The following SLCO1B3 variants were observed in gnomAD, a reference collection of about 807,000 sequenced individuals.
SLCO1B3 encodes liver-specific organic anion transporter 2.
SLCO1B3 carries 72 observed loss-of-function variants against 71.8 expected under a neutral mutation model. The ratio of observed to expected loss-of-function variants is 1.00; its 90% CI spans 0.83 to 1.22. The LOEUF is 1.22. Among genes scored for constraint, SLCO1B3 ranks in the 50% most tolerant of loss-of-function variants. SLCO1B3 has a pLI of 0.00. For missense variants in SLCO1B3, 911 were observed against 819.7 expected, an observed-to-expected ratio of 1.11 and a Z score of -1.36; for synonymous variants, 298 against 278.4, an observed-to-expected ratio of 1.07 and a Z score of -0.70.
rs201445687 is a variant in SLCO1B3, at chr12:20,814,965, CCTTTT to C, written c.-65-693_-65-689del. ...GACAAAGGTTATAAGCAGAATCTTG[CCTTTT>C]CTTTTCTTTTCTTTTTTTTTTTTTT... is the stretch of plus-strand genomic sequence containing the variant. On this transcript the variant is annotated intron_variant, in intron 2 of 15. Coordinates refer to ENST00000381545, the MANE Select transcript of SLCO1B3 (RefSeq NM_019844.4). Among the ~76,000 whole-genome samples the C allele has an allele frequency of 6.4e-3, 877 of 137,172 alleles. 7 individuals carry two copies. The highest frequency in any genetic ancestry group is 0.016 in the African/African-American group (625 of 38,224). The allele number at this position is 137,172 out of a possible 152,430, so 90.0% of individuals were successfully genotyped here.
In SLCO1B3 at chr12:20,877,520, A is replaced by G. The variant is rs4149134; in HGVS notation, c.971-252A>G. 0.72 allele frequency among the ~76,000 whole-genome samples: 110,016 copies of G among 151,882 alleles called. 42,437 individuals carry two copies. The highest frequency in any genetic ancestry group is 0.9 in the South Asian group (4,340 of 4,824). ...GAATTGTTTATTGATCCATTTTTTA[A>G]TGGATCAACATTGTAGTGAGTTATG... is the stretch of plus-strand genomic sequence containing the variant. On this transcript the variant is annotated intron_variant, in intron 9 of 15. Transcript: ENST00000381545.
intron 3 of SLCO1B3, among the ~76,000 whole-genome samples, chr12:20,816,289 T>G (rs748623185): frequency 1.6e-4 from 25 of 152,166 alleles, no homozygotes; most frequent in Non-Finnish European, 3.2e-4. Context: ...TAGTAGGTCT[T>G]ATTCATTCTT....
chr12:20,851,419 G>C (rs1373050189), intron 3 of SLCO1B3, among the ~76,000 whole-genome samples: 1 of 152,106 alleles, frequency 6.6e-6, no homozygotes, highest in African/African-American at 2.4e-5. Context: ...TATGATTAGT[G>C]ATGTTGAGCA....
chr12:20,850,264 AT>A (rs1242141583), intron 3 of SLCO1B3, among the ~76,000 whole-genome samples: 1 of 136,624 alleles, frequency 7.3e-6, no homozygotes, highest in Admixed American at 7.1e-5. Context: ...TATTTTATTT[AT>A]TTATTTATTT....
chr12:20,884,484 G>A (rs1231129263), intron 13 of SLCO1B3, among the ~76,000 whole-genome samples: 1 of 152,056 alleles, frequency 6.6e-6, no homozygotes, highest in East Asian at 1.9e-4. Flanking sequence ...CTTAAGACAG[G>A]AAAGAGCTAG....
At chr12:20,882,869 A>G (rs1865718556) in intron 12 of SLCO1B3, among the ~76,000 whole-genome samples, 1 of 152,164 alleles carries the variant, frequency 6.6e-6, no homozygotes. Flanking sequence ...TTCCTCTTCT[A>G]TATTCTAACC....
At chr12:20,855,575 T>C (rs1390803902) in intron 4 of SLCO1B3, among the ~76,000 whole-genome samples, 14 of 151,930 alleles carry the variant, frequency 9.2e-5, no homozygotes, top group South Asian at 2.1e-4. Context: ...ATAATTCTTA[T>C]GGTTTTAGGT....
intron 3 of SLCO1B3, among the ~76,000 whole-genome samples, chr12:20,833,552 CATAT>C (rs1455796543): frequency 1.4e-5 from 2 of 147,450 alleles, no homozygotes; most frequent in Non-Finnish European, 3.0e-5. Context: ...ATATTGTACA[CATAT>C]GTTTACTATA....
Position 20,862,511 on chromosome 12 carries a change from C to CA in SLCO1B3, c.582dup (p.Tyr195IlefsTer3). 1 of 1,612,238 alleles carries CA rather than the reference C, an allele frequency of 6.2e-7. No homozygotes were observed. Among genetic ancestry groups the CA allele is most frequent in the African/African-American group, 1.3e-5 (1 of 74,964 alleles). Reference sequence around the variant, plus strand: ...ACCCCCATAGTACCATTGGGGATTTCATACATTGATGATTTTGCAAAAGAA... The same window carrying CA: ...ACCCCCATAGTACCATTGGGGATTTCAATACATTGATGATTTTGCAAAAGAA... On this transcript the variant is annotated frameshift_variant, in exon 7 of 16. Transcript: ENST00000381545. LOFTEE classifies it high-confidence loss of function.
chr12:20,880,934 G>C lies in SLCO1B3; in HGVS notation c.1411G>C (p.Glu471Gln). ...SECNCDESQW[E>Q]PVCGNNGITY... ...GTGCAATTGTGATGAAAGTCAGTGG[G>C]AACCAGTCTGTGGGAACAATGGAAT... The change falls in exon 12 of 16, where the codon GAA becomes CAA. Residue 471 changes from glutamate (E) to glutamine (Q), a missense_variant. Glu to Gln is a conservative substitution (Grantham distance 29, BLOSUM62 2). Coordinates refer to ENST00000381545, the MANE Select transcript of SLCO1B3 (RefSeq NM_019844.4). The C allele has an allele frequency of 6.2e-7, 1 of 1,611,676 alleles. No individual in the cohort carries two copies. Among genetic ancestry groups the C allele is most frequent in the Non-Finnish European group, 8.5e-7 (1 of 1,178,034 alleles).
intron 8 of SLCO1B3, among the ~76,000 whole-genome samples, chr12:20,866,352 G>A (rs887207332): frequency 1.3e-5 from 2 of 152,010 alleles, no homozygotes; most frequent in African/African-American, 4.8e-5. Flanking sequence ...CTACAACATT[G>A]GGCACATAAA....
At chr12:20,891,253 A>C (rs1865897304) in intron 13 of SLCO1B3, among the ~76,000 whole-genome samples, 1 of 152,004 alleles carries the variant, frequency 6.6e-6, no homozygotes, top group Admixed American at 6.6e-5. Context: ...TTTGGGAAGT[A>C]CTACTTTTCT....
intron 10 of SLCO1B3, among the ~76,000 whole-genome samples, chr12:20,878,218 T>A (rs141521650): frequency 3.0e-4 from 46 of 152,160 alleles, no homozygotes; most frequent in African/African-American, 9.4e-4. Flanking sequence ...CATTTAGACG[T>A]AGTATCTGCA....
At chr12:20,813,466 C>T (rs1305102407) in intron 1 of SLCO1B3, 58 bp from the exon 2 acceptor site, 2 of 152,184 alleles carry the variant, frequency 1.3e-5, no homozygotes, top group Admixed American at 6.5e-5. Flanking sequence ...CTGCCTTCCT[C>T]TCTCAGCTCC....
chr12:20,903,934 A>C (rs1009214052), intron 15 of SLCO1B3, among the ~76,000 whole-genome samples: 2 of 152,106 alleles, frequency 1.3e-5, no homozygotes, highest in Non-Finnish European at 2.9e-5. Context: ...GAGCCTATTA[A>C]ATTTTAAAAA....
intron 8 of SLCO1B3, among the ~76,000 whole-genome samples, chr12:20,865,807 T>G (rs1212387386): frequency 6.6e-6 from 1 of 152,124 alleles, no homozygotes; most frequent in Non-Finnish European, 1.5e-5. Flanking sequence ...TGTTAAACTT[T>G]ACACAGAGAA....
intron 8 of SLCO1B3, among the ~76,000 whole-genome samples, chr12:20,870,966 C>G (rs548694948): frequency 1.3e-5 from 2 of 152,134 alleles, no homozygotes; most frequent in East Asian, 3.9e-4. Context: ...ACCTTTCATT[C>G]TGTTTATATA....
intron 4 of SLCO1B3, among the ~76,000 whole-genome samples, chr12:20,855,754 ATAT>A (rs1407805378): frequency 2.0e-5 from 3 of 150,524 alleles, no homozygotes; most frequent in African/African-American, 2.4e-5. Flanking sequence ...ATAATTGAAA[ATAT>A]TATATAATAA....
intron 4 of SLCO1B3, among the ~76,000 whole-genome samples, chr12:20,857,938 T>C (rs1053810968): frequency 6.6e-5 from 10 of 152,134 alleles, no homozygotes; most frequent in African/African-American, 2.4e-4. Context: ...TAATTTAAGC[T>C]CCCTATTTCC....
Sources: gnomAD v4.1 joint callset for allele counts (sites outside exome capture counted in the v4.1 genomes callset) on GRCh38, gnomAD v4.1.1 for gene constraint, MANE v1.5 for transcripts, NCBI Gene and HGNC (gene_info 2026-07-23, HGNC 2026-07-21) for gene names.